CHCHD3: variants seen among roughly 807,000 people sequenced by gnomAD.
The protein encoded by CHCHD3 is coiled-coil-helix-coiled-coil-helix domain containing 3.
In CHCHD3, 20 loss-of-function variants were observed where a neutral mutation model predicts 38.2. The observed-to-expected ratio is 0.52, with a 90% CI of 0.37 to 0.76. The LOEUF (loss-of-function observed/expected upper bound fraction) is 0.76, where lower values mean the gene tolerates loss of function less well. Among genes scored for constraint, CHCHD3 ranks in the 30% least tolerant of loss-of-function variants. The pLI, the probability that CHCHD3 is intolerant of heterozygous loss-of-function variation, is 0.00. For missense variants in CHCHD3, 245 were observed against 279.2 expected (o/e 0.88, Z 0.87); for synonymous variants, 82 against 100.0 (o/e 0.82, Z 1.07).
chr7:132,996,102 A>G (rs771099410), intron 3 of CHCHD3, among the ~76,000 whole-genome samples: 3 of 152,236 alleles, frequency 2.0e-5, no homozygotes, highest in Non-Finnish European at 4.4e-5. Flanking sequence ...GCTAGTCACT[A>G]TGCTATATCT....
chr7:132,864,316 C>T (rs1808561935), intron 5 of CHCHD3, among the ~76,000 whole-genome samples: 1 of 152,122 alleles, frequency 6.6e-6, no homozygotes, highest in South Asian at 2.1e-4. Flanking sequence ...GGGGAAATGG[C>T]TGATGGGTGG....
intron 6 of CHCHD3, among the ~76,000 whole-genome samples, chr7:132,818,867 A>G (rs959799721): frequency 6.6e-6 from 1 of 152,220 alleles, no homozygotes; most frequent in Non-Finnish European, 1.5e-5. Context: ...TCCTATTGAT[A>G]CCGTCAAGAG....
At chr7:133,046,024 T>A (rs1813972749) in intron 2 of CHCHD3, among the ~76,000 whole-genome samples, 1 of 152,230 alleles carries the variant, frequency 6.6e-6, no homozygotes, top group Non-Finnish European at 1.5e-5. Flanking sequence ...CAGTCTCAGG[T>A]ATTTCTTTAT....
chr7:133,063,048 C>G (rs1329893208), intron 2 of CHCHD3, among the ~76,000 whole-genome samples: 2 of 152,206 alleles, frequency 1.3e-5, no homozygotes, highest in Non-Finnish European at 1.5e-5. Context: ...GCAGCACTTT[C>G]TTTGTGTGAC....
intron 7 of CHCHD3, among the ~76,000 whole-genome samples, chr7:132,790,392 G>T (rs1806426694): frequency 6.6e-6 from 1 of 152,080 alleles, no homozygotes; most frequent in Non-Finnish European, 1.5e-5. Flanking sequence ...ATTAAACTCA[G>T]ATTTAAAAAA....
At position 132,845,838 on chromosome 7, in the gene CHCHD3, C is replaced by T. The variant is rs533440297; in HGVS notation, c.454-7369G>A. On this transcript the variant is annotated intron_variant, in intron 5 of 7. Coordinates refer to ENST00000262570, the MANE Select transcript of CHCHD3 (RefSeq NM_017812.4). ...GCATGCAACTTTTCTTTTCTCAAAG[C>T]GGCATTTTCTTATGGGTTATTTTTT... is the stretch of plus-strand genomic sequence containing the variant. Among the ~76,000 whole-genome samples, 399 of 152,166 alleles carry T rather than the reference C, an allele frequency of 2.6e-3. 4 individuals carry two copies. Among genetic ancestry groups the T allele is most frequent in the African/African-American group, 9.1e-3 (379 of 41,514 alleles).
intron 2 of CHCHD3, among the ~76,000 whole-genome samples, chr7:133,044,859 C>G (rs912751448): frequency 1.3e-5 from 2 of 152,208 alleles, no homozygotes; most frequent in African/African-American, 4.8e-5. Context: ...CCTCCCCAGG[C>G]GGGAGATGAG....
chr7:132,863,788 T>C (rs1378713652), intron 5 of CHCHD3, among the ~76,000 whole-genome samples: 1 of 152,250 alleles, frequency 6.6e-6, no homozygotes, highest in Non-Finnish European at 1.5e-5. Flanking sequence ...TGCATTTTTA[T>C]GTTATGGAGA....
intron 2 of CHCHD3, among the ~76,000 whole-genome samples, chr7:133,066,340 C>T (rs1388261492): frequency 2.0e-5 from 3 of 151,770 alleles, no homozygotes; most frequent in Non-Finnish European, 4.4e-5. Context: ...CTGCAACTTC[C>T]GCCTCCCAGG....
intron 5 of CHCHD3, among the ~76,000 whole-genome samples, chr7:132,854,843 A>AAGAAGGG (rs1229984077): frequency 6.6e-6 from 1 of 152,160 alleles, no homozygotes; most frequent in Middle Eastern, 3.2e-3. Context: ...AGTCTCTGGA[A>AAGAAGGG]AGAAGGGAGG....
At chr7:132,957,583 A>G (rs1811214566) in intron 4 of CHCHD3, among the ~76,000 whole-genome samples, 1 of 152,068 alleles carries the variant, frequency 6.6e-6, no homozygotes, top group Non-Finnish European at 1.5e-5. Flanking sequence ...CCTGAGTTCA[A>G]GCGATTCTCC....
intron 1 of CHCHD3, among the ~76,000 whole-genome samples, chr7:133,079,484 T>A (rs768462571): frequency 7.2e-5 from 11 of 152,204 alleles, no homozygotes. Context: ...AAACTTTGCA[T>A]GTGAAAGGAA....
At chr7:133,061,831 A>G (rs1330489334) in intron 2 of CHCHD3, among the ~76,000 whole-genome samples, 1 of 152,194 alleles carries the variant, frequency 6.6e-6, no homozygotes, top group Non-Finnish European at 1.5e-5. Context: ...TTCGGTGATA[A>G]AGTTTGGAGA....
intron 3 of CHCHD3, among the ~76,000 whole-genome samples, chr7:132,986,645 C>G: frequency 6.6e-6 from 1 of 152,218 alleles, no homozygotes; most frequent in East Asian, 1.9e-4. Flanking sequence ...TTCTGCTGAC[C>G]AAGAAACAGC....
At position 133,070,167 on chromosome 7, in the gene CHCHD3, C is replaced by T; in HGVS notation, c.144G>A (p.Arg48=). Residue 48 remains arginine (R), a synonymous_variant, in exon 2 of 8, where the codon CGG becomes CGA. Coordinates refer to ENST00000262570, the MANE Select transcript of CHCHD3 (RefSeq NM_017812.4). The part of the protein sequence containing the change: ...ESSPSGSKSQ[R]YSGAYGASVS... ...CTGAGGCACCATAAGCACCAGAATA[C>T]CGCTGAGACTTCGAACCAGATGGAG... The T allele has an allele frequency of 6.2e-7, 1 of 1,612,478 alleles. No homozygotes were observed. Among genetic ancestry groups the T allele is most frequent in the Non-Finnish European group, 8.5e-7 (1 of 1,179,838 alleles).
intron 1 of CHCHD3, among the ~76,000 whole-genome samples, chr7:133,071,279 C>T (rs1435641330): frequency 6.6e-6 from 1 of 152,076 alleles, no homozygotes; most frequent in Non-Finnish European, 1.5e-5. Context: ...CCTCACTAAG[C>T]CTAGTTAATT....
chr7:133,071,262 C>G (rs991596968), intron 1 of CHCHD3, among the ~76,000 whole-genome samples: 1 of 152,152 alleles, frequency 6.6e-6, no homozygotes, highest in Non-Finnish European at 1.5e-5. Flanking sequence ...TCGCTATACT[C>G]CCAGAGCCTC....
intron 2 of CHCHD3, among the ~76,000 whole-genome samples, chr7:133,029,184 CA>C (rs1813433479): frequency 6.6e-6 from 1 of 152,104 alleles, no homozygotes. Flanking sequence ...CAAATAGAAT[CA>C]TATATATTCA....
chr7:132,989,502 T>C (rs1562930982), intron 3 of CHCHD3, among the ~76,000 whole-genome samples: 2 of 152,152 alleles, frequency 1.3e-5, no homozygotes, highest in Non-Finnish European at 2.9e-5. Flanking sequence ...TTCCAGATGA[T>C]TGCCTCCCAT....
Sources: allele counts gnomAD v4.1 joint callset (sites outside exome capture counted in the v4.1 genomes callset), GRCh38; gene constraint gnomAD v4.1.1; transcripts MANE v1.5; gene names NCBI Gene and HGNC (gene_info 2026-07-23, HGNC 2026-07-21).